The following PTPRM variants were observed in gnomAD, a reference collection of about 807,000 sequenced individuals.
PTPRM encodes the protein receptor-type tyrosine-protein phosphatase mu.
In PTPRM, 47 loss-of-function variants were observed where a neutral mutation model predicts 186.7. That is an observed-to-expected ratio of 0.25 (90% confidence interval 0.20 to 0.32). The LOEUF (loss-of-function observed/expected upper bound fraction) is 0.32, where lower values mean the gene tolerates loss of function less well. Among genes scored for constraint, PTPRM ranks in the 10% least tolerant of loss-of-function variants. The pLI is 1.00. For missense variants in PTPRM, 1,494 were observed against 1,865.0 expected (o/e 0.80, Z 3.66); for synonymous variants, 668 against 674.9 (o/e 0.99, Z 0.16).
intron 1 of PTPRM, among the ~76,000 whole-genome samples, chr18:7,714,866 C>T (rs747643285): frequency 6.6e-6 from 1 of 152,142 alleles, no homozygotes; most frequent in Non-Finnish European, 1.5e-5. Context: ...GAAATTGAGG[C>T]AGTAATTAAT....
chr18:8,331,782 C>T (rs1204824066), intron 22 of PTPRM, among the ~76,000 whole-genome samples: 3 of 152,188 alleles, frequency 2.0e-5, no homozygotes, highest in African/African-American at 7.2e-5. Context: ...CATCATTGTT[C>T]ACTGTTAAAC....
chr18:7,868,894 G>A (rs941777579), intron 2 of PTPRM, among the ~76,000 whole-genome samples: 26 of 152,200 alleles, frequency 1.7e-4, no homozygotes, highest in Admixed American at 1.3e-3. Flanking sequence ...GAGATGTCCT[G>A]CCCAGAGAGG....
At chr18:7,912,264 A>C (rs1443200519) in intron 4 of PTPRM, among the ~76,000 whole-genome samples, 1 of 152,176 alleles carries the variant, frequency 6.6e-6, no homozygotes, top group East Asian at 1.9e-4. Flanking sequence ...CAGTTATTCC[A>C]GCACCACTTG....
At chr18:7,765,922 G>A (rs1666989706) in intron 1 of PTPRM, among the ~76,000 whole-genome samples, 1 of 152,172 alleles carries the variant, frequency 6.6e-6, no homozygotes, top group African/African-American at 2.4e-5. Context: ...CAGGAAGAAT[G>A]TTTGCTAGTG....
intron 22 of PTPRM, among the ~76,000 whole-genome samples, chr18:8,321,383 T>C (rs1270470812): frequency 6.6e-6 from 1 of 152,160 alleles, no homozygotes; most frequent in African/African-American, 2.4e-5. Flanking sequence ...TAGACATGGC[T>C]CTTTACCAGG....
chr18:7,696,017 A>G (rs184529728), intron 1 of PTPRM, among the ~76,000 whole-genome samples: 17 of 152,310 alleles, frequency 1.1e-4, no homozygotes, highest in African/African-American at 4.1e-4. Flanking sequence ...ATTTGATGTC[A>G]GTTTAATCCT....
In PTPRM at chr18:8,264,584, C is replaced by T. The variant is rs79142521; in HGVS notation, c.2754+11170C>T. Among the ~76,000 whole-genome samples, 14 of 152,114 alleles carry T rather than the reference C, an allele frequency of 9.2e-5. No homozygotes were observed. In the South Asian group the frequency reaches 2.9e-3, roughly 32 times the overall value. ...AGGAGATCGAGACCATCCTGGCCAACACAGCGAAACGCTGTCTCTACTAAA... is the reference window on the plus strand; with the variant it reads ...AGGAGATCGAGACCATCCTGGCCAATACAGCGAAACGCTGTCTCTACTAAA... On this transcript the variant is annotated intron_variant, in intron 19 of 32. Transcript: ENST00000580170.
intron 20 of PTPRM, among the ~76,000 whole-genome samples, chr18:8,308,222 T>A (rs644694): frequency 0.15 from 22,768 of 152,130 alleles, 1,929 homozygotes; most frequent in Admixed American, 0.24. Context: ...CAAGTGTGAG[T>A]GGCAGGCTTT....
At chr18:7,695,956 G>T (rs2039834697) in intron 1 of PTPRM, among the ~76,000 whole-genome samples, 1 of 152,146 alleles carries the variant, frequency 6.6e-6, no homozygotes, top group African/African-American at 2.4e-5. Context: ...CAGTGCCATA[G>T]ATGACACTGA....
intron 23 of PTPRM, among the ~76,000 whole-genome samples, chr18:8,346,307 G>C (rs1312965435): frequency 6.6e-6 from 1 of 152,210 alleles, no homozygotes; most frequent in Non-Finnish European, 1.5e-5. Flanking sequence ...TCCTGTTCTG[G>C]AGGCTGGAAA....
At chr18:8,371,227 A>G (rs2095660996) in intron 24 of PTPRM, among the ~76,000 whole-genome samples, 3 of 152,214 alleles carry the variant, frequency 2.0e-5, no homozygotes, top group South Asian at 4.1e-4. Flanking sequence ...ATATTTTGCA[A>G]GTAAACCAAA....
intron 1 of PTPRM, among the ~76,000 whole-genome samples, chr18:7,651,120 T>C (rs1054397112): frequency 2.6e-5 from 4 of 151,764 alleles, no homozygotes; most frequent in African/African-American, 9.7e-5. Flanking sequence ...TTAGTAGAGA[T>C]GGAGTTTCAC....
intron 22 of PTPRM, among the ~76,000 whole-genome samples, chr18:8,336,657 AAGGAGG>A (rs375770055): frequency 2.2e-5 from 3 of 138,478 alleles, no homozygotes; most frequent in African/African-American, 8.1e-5. Context: ...GAAGGAGAAG[AAGGAGG>A]AGGAGGAGGA....
At chr18:7,834,254 C>T (rs1427434016) in intron 2 of PTPRM, among the ~76,000 whole-genome samples, 1 of 151,784 alleles carries the variant, frequency 6.6e-6, no homozygotes, top group Non-Finnish European at 1.5e-5. Flanking sequence ...GCTGAACCAT[C>T]CTTGCATCCC....
At chr18:8,146,326 GACTTTTAAT>G (rs1440037620) in intron 14 of PTPRM, among the ~76,000 whole-genome samples, 1 of 151,866 alleles carries the variant, frequency 6.6e-6, no homozygotes, top group East Asian at 1.9e-4. Flanking sequence ...CAGCCTTCCT[GACTTTTAAT>G]GATCGCTATT....
At chr18:8,161,729 G>A (rs1463440023) in intron 14 of PTPRM, among the ~76,000 whole-genome samples, 11 of 152,118 alleles carry the variant, frequency 7.2e-5, no homozygotes. Flanking sequence ...ATACCAACCA[G>A]GAAAGGACAA....
intron 13 of PTPRM, among the ~76,000 whole-genome samples, chr18:8,141,711 C>T (rs1401218022): frequency 6.6e-6 from 1 of 152,130 alleles, no homozygotes; most frequent in East Asian, 1.9e-4. Context: ...CTTAACTCAT[C>T]TATTTAGGAA....
intron 1 of PTPRM, among the ~76,000 whole-genome samples, chr18:7,651,522 C>A (rs2038703423): frequency 6.6e-6 from 1 of 152,026 alleles, no homozygotes; most frequent in African/African-American, 2.4e-5. Flanking sequence ...CTACAGTAAC[C>A]AAAACAGCAT....
chr18:7,783,325 G>T (rs927784014), intron 2 of PTPRM, among the ~76,000 whole-genome samples: 7 of 152,216 alleles, frequency 4.6e-5, no homozygotes, highest in African/African-American at 1.7e-4. Flanking sequence ...ACTCATGCTG[G>T]GCAGGGCCAA....
Sources: gnomAD v4.1 joint callset for allele counts (sites outside exome capture counted in the v4.1 genomes callset) on GRCh38, gnomAD v4.1.1 for gene constraint, MANE v1.5 for transcripts, NCBI Gene and HGNC (gene_info 2026-07-23, HGNC 2026-07-21) for gene names.